Variants in PHYHIPL observed in about 807,000 individuals in gnomAD.
PHYHIPL encodes the protein phytanoyl-CoA 2-hydroxylase interacting protein like, also known as phytanoyl-CoA hydroxylase-interacting protein-like.
In PHYHIPL, 9 loss-of-function variants were observed where a neutral mutation model predicts 33.4. The ratio of observed to expected loss-of-function variants is 0.27; its 90% CI spans 0.16 to 0.47. The LOEUF is 0.47. PHYHIPL is among the 20% of genes least tolerant of loss of function. The pLI, the probability that PHYHIPL is intolerant of heterozygous loss-of-function variation, is 0.99. For missense variants in PHYHIPL, 365 were observed against 460.7 expected (o/e 0.79, Z 1.90); for synonymous variants, 153 against 154.1 (o/e 0.99, Z 0.05).
chr10:59,226,255 AG>A (rs1839919196), intron 1 of PHYHIPL, among the ~76,000 whole-genome samples: 2 of 152,222 alleles, frequency 1.3e-5, no homozygotes, highest in South Asian at 4.1e-4. Context: ...AGAAACACTT[AG>A]AATTTTTCTT....
At chr10:59,187,292 C>A (rs1838636702) in intron 1 of PHYHIPL, among the ~76,000 whole-genome samples, 1 of 152,138 alleles carries the variant, frequency 6.6e-6, no homozygotes, top group Admixed American at 6.5e-5. Context: ...GTTGAACCAG[C>A]CTTGCATCCC....
At chr10:59,203,006 G>T (rs1839168375) in intron 1 of PHYHIPL, among the ~76,000 whole-genome samples, 2 of 152,156 alleles carry the variant, frequency 1.3e-5, no homozygotes, top group South Asian at 4.1e-4. Flanking sequence ...GCCATAGATT[G>T]CAATCTACCC....
intron 1 of PHYHIPL, among the ~76,000 whole-genome samples, chr10:59,218,586 G>T (rs1839679077): frequency 6.6e-6 from 1 of 152,108 alleles, no homozygotes; most frequent in Admixed American, 6.6e-5. Flanking sequence ...TAGTCATCAG[G>T]AAAGGCATTT....
chr10:59,234,190 G>T (rs1226892444), intron 1 of PHYHIPL, 114 bp from the exon 2 acceptor site: 104 of 789,496 alleles, frequency 1.3e-4, no homozygotes, highest in Middle Eastern at 3.4e-4. Context: ...AAAAAGTAAA[G>T]ATGATAAGGA....
intron 1 of PHYHIPL, among the ~76,000 whole-genome samples, chr10:59,233,050 A>G (rs1367133421): frequency 6.6e-6 from 1 of 151,892 alleles, no homozygotes; most frequent in African/African-American, 2.4e-5. Context: ...TGTGGAGAGG[A>G]AATGTGGAGA....
intron 1 of PHYHIPL, among the ~76,000 whole-genome samples, chr10:59,216,996 G>A (rs986311966): frequency 6.6e-5 from 10 of 152,044 alleles, no homozygotes; most frequent in Non-Finnish European, 1.3e-4. Context: ...TGAGAAAATA[G>A]TTTGTAATAC....
intron 1 of PHYHIPL, among the ~76,000 whole-genome samples, chr10:59,209,732 T>A (rs1278315296): frequency 6.6e-6 from 1 of 152,102 alleles, no homozygotes; most frequent in East Asian, 1.9e-4. Flanking sequence ...TGTAGACCAG[T>A]GGAACAGAAC....
intron 4 of PHYHIPL, among the ~76,000 whole-genome samples, chr10:59,240,232 T>C (rs560789659): frequency 1.3e-5 from 2 of 152,152 alleles, no homozygotes; most frequent in East Asian, 1.9e-4. Context: ...CTGATAGATA[T>C]AACATAAATT....
chr10:59,177,233 C>A (rs928139192), intron 1 of PHYHIPL: 10 of 578,892 alleles, frequency 1.7e-5, no homozygotes, highest in Non-Finnish European at 2.7e-5. Context: ...ACGAGGGCGA[C>A]GTTCCCGCTC....
intron 1 of PHYHIPL, among the ~76,000 whole-genome samples, chr10:59,232,870 T>A (rs1840119337): frequency 6.6e-6 from 1 of 151,972 alleles, no homozygotes; most frequent in Non-Finnish European, 1.5e-5. Context: ...TACTAATTGC[T>A]ATTGTTTGAG....
rs748585130 is a variant in PHYHIPL, at chr10:59,245,532, A to G, written c.1072A>G (p.Thr358Ala). Residue 358 changes from threonine (T) to alanine (A), a missense_variant, in exon 5 of 5, where the codon ACT becomes GCT. Physicochemically the swap from Thr to Ala is moderately conservative, Grantham distance 58 (BLOSUM62 0). Coordinates refer to ENST00000373880, the MANE Select transcript of PHYHIPL (RefSeq NM_032439.4). ...TGGTCATCAGCTCATGAGTTTGTCT[A>G]CTGCAAATGCAAAGAAAGATCCCAG... The part of the protein sequence containing the change: ...ITGHQLMSLS[T>A]ANAKKDPSCK... 6.2e-7 allele frequency: 1 copy of G among 1,613,038 alleles called. No homozygotes were observed. The highest frequency in any genetic ancestry group is 8.5e-7 in the Non-Finnish European group (1 of 1,179,686).
chr10:59,176,114 G>T (rs1257613926), upstream of PHYHIPL, among the ~76,000 whole-genome samples: 2 of 152,192 alleles, frequency 1.3e-5, no homozygotes, highest in Non-Finnish European at 1.5e-5. Flanking sequence ...AGCTGTTTCC[G>T]AGGAATGTCC....
At chr10:59,215,738 C>T (rs1289497326) in intron 1 of PHYHIPL, among the ~76,000 whole-genome samples, 2 of 151,674 alleles carry the variant, frequency 1.3e-5, no homozygotes, top group African/African-American at 4.8e-5. Context: ...GAAGGCTTCT[C>T]TAAGTAGTAA....
chr10:59,205,093 G>T (rs1564707668), intron 1 of PHYHIPL, among the ~76,000 whole-genome samples: 2 of 152,270 alleles, frequency 1.3e-5, no homozygotes, highest in East Asian at 3.9e-4. Flanking sequence ...GACCTCAGGT[G>T]ATCTGCCTGC....
At chr10:59,180,793 C>A (rs1838395508) in intron 1 of PHYHIPL, among the ~76,000 whole-genome samples, 1 of 152,038 alleles carries the variant, frequency 6.6e-6, no homozygotes, top group African/African-American at 2.4e-5. Flanking sequence ...ATGTTATTGG[C>A]ATGTGGATTA....
intron 1 of PHYHIPL, among the ~76,000 whole-genome samples, chr10:59,200,003 C>T (rs562321274): frequency 1.3e-5 from 2 of 152,130 alleles, no homozygotes; most frequent in Non-Finnish European, 2.9e-5. Context: ...CATCTGCAAA[C>T]AGGGTCAATT....
At chr10:59,227,113 G>T (rs377605235) in intron 1 of PHYHIPL, among the ~76,000 whole-genome samples, 9 of 152,166 alleles carry the variant, frequency 5.9e-5, no homozygotes, top group Admixed American at 5.2e-4. Context: ...ATTTCAAGAT[G>T]TAATTAATAT....
At chr10:59,226,027 C>T (rs1839913172) in intron 1 of PHYHIPL, among the ~76,000 whole-genome samples, 1 of 151,642 alleles carries the variant, frequency 6.6e-6, no homozygotes, top group Non-Finnish European at 1.5e-5. Flanking sequence ...AACAGTAAAA[C>T]TAAATTTTAT....
At chr10:59,206,785 A>C in intron 1 of PHYHIPL, 1 of 1,240,238 alleles carries the variant, frequency 8.1e-7, no homozygotes, top group Non-Finnish European at 1.0e-6. Flanking sequence ...CCAAACAGAC[A>C]AGAAAAGGAT....
Sources: gnomAD v4.1 joint callset for allele counts (sites outside exome capture counted in the v4.1 genomes callset) on GRCh38, gnomAD v4.1.1 for gene constraint, MANE v1.5 for transcripts, NCBI Gene and HGNC (gene_info 2026-07-23, HGNC 2026-07-21) for gene names.